Variants in KIAA1328 observed in about 807,000 individuals in gnomAD.
KIAA1328 encodes KIAA1328.
A neutral mutation model predicts 68.1 loss-of-function variants in KIAA1328; 52 were observed. That is an observed-to-expected ratio of 0.76 (90% CI 0.61 to 0.96). KIAA1328 has a LOEUF of 0.96. Ranked by LOEUF, KIAA1328 falls within the 40% of genes least tolerant of loss-of-function variation. The probability of loss-of-function intolerance (pLI) is 0.00; values close to 1 mark genes in which losing one functional copy is unlikely to be tolerated. For missense variants in KIAA1328, 641 were observed against 677.6 expected (o/e 0.95, Z 0.60); for synonymous variants, 232 against 239.4 (o/e 0.97, Z 0.28).
chr18:36,956,529 A>G (rs2051423418), intron 5 of KIAA1328, among the ~76,000 whole-genome samples: 1 of 143,942 alleles, frequency 6.9e-6, no homozygotes, highest in Non-Finnish European at 1.5e-5. Context: ...TCATTGTGCT[A>G]AGGAGGAAGG....
chr18:37,175,550 A>G (rs2154214427), intron 9 of KIAA1328, among the ~76,000 whole-genome samples: 1 of 152,314 alleles, frequency 6.6e-6, no homozygotes, highest in African/African-American at 2.4e-5. Flanking sequence ...ATCTTTAGAA[A>G]TGCATGATGA....
chr18:37,120,404 G>C (rs554221431), intron 7 of KIAA1328, among the ~76,000 whole-genome samples: 1 of 152,140 alleles, frequency 6.6e-6, no homozygotes, highest in African/African-American at 2.4e-5. Flanking sequence ...AGTTACTTTG[G>C]CTGAGATGGA....
chr18:37,105,241 G>T (rs143478921), intron 7 of KIAA1328, among the ~76,000 whole-genome samples: 1 of 152,186 alleles, frequency 6.6e-6, no homozygotes, highest in Non-Finnish European at 1.5e-5. Flanking sequence ...GGTTGCTGAC[G>T]CCTGTTATCC....
intron 7 of KIAA1328, among the ~76,000 whole-genome samples, chr18:37,081,466 T>A (rs2056947205): frequency 6.6e-6 from 1 of 152,224 alleles, no homozygotes; most frequent in African/African-American, 2.4e-5. Context: ...TTTAGGTTTA[T>A]GTAATTTTAT....
At chr18:37,040,625 G>C (rs938292237) in intron 6 of KIAA1328, among the ~76,000 whole-genome samples, 3 of 150,638 alleles carry the variant, frequency 2.0e-5, no homozygotes, top group African/African-American at 4.9e-5. Context: ...TCTTTTTCTA[G>C]CTTCTTAATT....
At chr18:36,937,944 T>C (rs2050566975) in intron 5 of KIAA1328, among the ~76,000 whole-genome samples, 1 of 152,174 alleles carries the variant, frequency 6.6e-6, no homozygotes, top group Admixed American at 6.5e-5. Context: ...TAGAATTTCA[T>C]TCTTTTTTAT....
intron 6 of KIAA1328, among the ~76,000 whole-genome samples, chr18:37,004,483 A>G (rs2053704273): frequency 6.6e-6 from 1 of 152,114 alleles, no homozygotes; most frequent in Non-Finnish European, 1.5e-5. Context: ...ATATATACAA[A>G]TGGCTAATAA....
intron 6 of KIAA1328, among the ~76,000 whole-genome samples, chr18:36,984,799 A>C (rs1224228349): frequency 6.7e-6 from 1 of 149,164 alleles, no homozygotes; most frequent in Non-Finnish European, 1.5e-5. Context: ...CCAACTACTT[A>C]GGAGACTGAG....
At chr18:36,947,336 C>T (rs1422711240) in intron 5 of KIAA1328, among the ~76,000 whole-genome samples, 1 of 152,156 alleles carries the variant, frequency 6.6e-6, no homozygotes, top group African/African-American at 2.4e-5. Context: ...GTCCTGAGAA[C>T]CTGTGCCCAA....
chr18:37,098,238 G>C (rs950139631), intron 7 of KIAA1328, among the ~76,000 whole-genome samples: 3 of 152,188 alleles, frequency 2.0e-5, no homozygotes, highest in African/African-American at 7.2e-5. Context: ...ATTATTTTGA[G>C]ATATGTCCCA....
At chr18:37,061,537 G>T (rs370986644) in intron 6 of KIAA1328, among the ~76,000 whole-genome samples, 1 of 152,196 alleles carries the variant, frequency 6.6e-6, no homozygotes, top group African/African-American at 2.4e-5. Flanking sequence ...TATCTCGGAA[G>T]ACAATCACAT....
At chr18:37,064,192 G>A (rs994768042) in intron 6 of KIAA1328, among the ~76,000 whole-genome samples, 2 of 152,120 alleles carry the variant, frequency 1.3e-5, no homozygotes, top group African/African-American at 4.8e-5. Context: ...AGGATTGCCT[G>A]TGTTCTTTGA....
intron 9 of KIAA1328, among the ~76,000 whole-genome samples, chr18:37,188,112 G>A (rs931495207): frequency 3.3e-5 from 5 of 152,288 alleles, no homozygotes; most frequent in South Asian, 2.1e-4. Flanking sequence ...ACTTTCACTC[G>A]AATGCATTTA....
intron 7 of KIAA1328, among the ~76,000 whole-genome samples, chr18:37,130,408 A>G (rs1219945325): frequency 6.6e-6 from 1 of 152,196 alleles, no homozygotes; most frequent in Non-Finnish European, 1.5e-5. Flanking sequence ...TCACGCGATC[A>G]AGAGATCAAG....
chr18:37,133,586 C>T (rs968304189), intron 7 of KIAA1328, among the ~76,000 whole-genome samples: 1 of 145,886 alleles, frequency 6.9e-6, no homozygotes, highest in Admixed American at 7.0e-5. Flanking sequence ...AGTGCAGTGG[C>T]CCGATCTCTG....
intron 9 of KIAA1328, among the ~76,000 whole-genome samples, chr18:37,202,059 A>G (rs531789912): frequency 6.6e-6 from 1 of 152,194 alleles, no homozygotes; most frequent in Non-Finnish European, 1.5e-5. Context: ...GTGAACAACT[A>G]TATTGCCATA....
intron 7 of KIAA1328, among the ~76,000 whole-genome samples, chr18:37,141,019 G>C (rs2058753247): frequency 6.6e-6 from 1 of 152,072 alleles, no homozygotes; most frequent in Non-Finnish European, 1.5e-5. Flanking sequence ...TCTTAATTTT[G>C]ATACATCTCA....
chr18:36,852,021 T>G (rs2047227824), intron 4 of KIAA1328, among the ~76,000 whole-genome samples: 1 of 152,166 alleles, frequency 6.6e-6, no homozygotes, highest in Non-Finnish European at 1.5e-5. Context: ...TAATTTTCTT[T>G]GTGATTTCTT....
At chr18:37,112,492 C>G (rs968580134) in intron 7 of KIAA1328, among the ~76,000 whole-genome samples, 1 of 152,134 alleles carries the variant, frequency 6.6e-6, no homozygotes, top group African/African-American at 2.4e-5. Context: ...CACCAAAACC[C>G]CATCTGTACA....
Sources: gnomAD v4.1 joint callset for allele counts (sites outside exome capture counted in the v4.1 genomes callset) on GRCh38, gnomAD v4.1.1 for gene constraint, MANE v1.5 for transcripts, NCBI Gene and HGNC (gene_info 2026-07-23, HGNC 2026-07-21) for gene names.